The following CLEC9A variants were observed in gnomAD, a reference collection of about 807,000 sequenced individuals.
The protein encoded by CLEC9A is C-type lectin domain family 9 member A.
A neutral mutation model predicts 30.0 loss-of-function variants in CLEC9A; 24 were observed. The ratio of observed to expected loss-of-function variants is 0.80; its 90% CI spans 0.58 to 1.13. The LOEUF is 1.13. CLEC9A is among the 50% of genes most tolerant of loss of function. CLEC9A has a pLI of 0.00. For missense variants in CLEC9A, 251 were observed against 280.9 expected, an observed-to-expected ratio of 0.89 and a Z score of 0.76; for synonymous variants, 111 against 96.8, an observed-to-expected ratio of 1.15 and a Z score of -0.86.
At chr12:10,032,215 T>C (rs1865703932) in intron 1 of CLEC9A, among the ~76,000 whole-genome samples, 1 of 152,110 alleles carries the variant, frequency 6.6e-6, no homozygotes, top group South Asian at 2.1e-4. Context: ...GAGCTAAGTA[T>C]AATATTAACA....
At chr12:10,053,043 G>GA (rs953606486) in intron 4 of CLEC9A, among the ~76,000 whole-genome samples, 1 of 151,918 alleles carries the variant, frequency 6.6e-6, no homozygotes, top group Admixed American at 6.6e-5. Flanking sequence ...GGAAATACGT[G>GA]AAAAAAATAC....
intron 1 of CLEC9A, among the ~76,000 whole-genome samples, chr12:10,037,176 G>C (rs1408385348): frequency 6.6e-6 from 1 of 152,106 alleles, no homozygotes; most frequent in Non-Finnish European, 1.5e-5. Context: ...GGTGTTGGTG[G>C]TCATAGTAGT....
intron 2 of CLEC9A, 132 bp downstream of exon 2, chr12:10,041,752 C>T: frequency 2.3e-6 from 1 of 443,540 alleles, no homozygotes. Flanking sequence ...CTTTATGAAA[C>T]CTAGTAAGAA....
Position 10,065,733 on chromosome 12 carries a change from A to C in CLEC9A, c.*101A>C. On this transcript the variant is annotated 3_prime_UTR_variant, in exon 9 of 9. Transcript: ENST00000355819. The stretch of plus-strand genomic sequence containing the variant: ...TCAAAAAAACAGAACAGTAAACCAA[A>C]ATGTGGGCCATGAAATTAGCAACCT... 2 of 1,355,570 alleles carry C rather than the reference A, an allele frequency of 1.5e-6. No homozygotes were observed. The highest frequency in any genetic ancestry group is 1.3e-5 in the South Asian group (1 of 74,374). 84.0% of individuals were successfully genotyped at this position (1,355,570 alleles called of 1,614,324 possible).
intron 1 of CLEC9A, among the ~76,000 whole-genome samples, chr12:10,036,512 T>G (rs566361813): frequency 3.3e-5 from 5 of 152,292 alleles, no homozygotes; most frequent in Admixed American, 3.3e-4. Context: ...AATTACAAAA[T>G]ACTTCTTTTG....
At chr12:10,053,066 T>C (rs1019177776) in intron 4 of CLEC9A, among the ~76,000 whole-genome samples, 1 of 152,186 alleles carries the variant, frequency 6.6e-6, no homozygotes, top group East Asian at 1.9e-4. Context: ...CTTCAATTAA[T>C]TGAACTCCTA....
At chr12:10,059,868 A>G (rs1456073593) in intron 5 of CLEC9A, among the ~76,000 whole-genome samples, 3 of 152,248 alleles carry the variant, frequency 2.0e-5, no homozygotes, top group Admixed American at 6.5e-5. Context: ...AAACTAGACC[A>G]TCCAACGAGA....
chr12:10,065,382 G>C, intron 8 of CLEC9A, 118 bp from the exon 9 acceptor site: 1 of 1,039,622 alleles, frequency 9.6e-7, no homozygotes, highest in Non-Finnish European at 1.4e-6. Flanking sequence ...ACCACCACAG[G>C]AAGTTGCTGT....
intron 2 of CLEC9A, among the ~76,000 whole-genome samples, chr12:10,048,209 C>T (rs532541951): frequency 4.7e-4 from 69 of 147,436 alleles, no homozygotes; most frequent in Non-Finnish European, 8.2e-4. Flanking sequence ...GTCCGCAGTC[C>T]GGCCTGGGCG....
chr12:10,033,539 G>A (rs1425543633), intron 1 of CLEC9A, among the ~76,000 whole-genome samples: 5 of 152,066 alleles, frequency 3.3e-5, no homozygotes, highest in African/African-American at 7.2e-5. Flanking sequence ...TCTCCATCTC[G>A]ATAAATGAAT....
chr12:10,035,582 G>A (rs953210535), intron 1 of CLEC9A, among the ~76,000 whole-genome samples: 7 of 152,160 alleles, frequency 4.6e-5, no homozygotes, highest in Non-Finnish European at 1.5e-5. Flanking sequence ...GCACTGAGTA[G>A]ATTAGATGAT....
intron 5 of CLEC9A, 116 bp from the exon 6 acceptor site, chr12:10,061,011 T>C: frequency 1.6e-6 from 2 of 1,257,312 alleles, no homozygotes; most frequent in Non-Finnish European, 2.2e-6. Flanking sequence ...CCTAAAATAA[T>C]ACAAATTCAA....
intron 1 of CLEC9A, among the ~76,000 whole-genome samples, chr12:10,041,249 C>A (rs1436025711): frequency 6.6e-6 from 1 of 151,776 alleles, no homozygotes; most frequent in Non-Finnish European, 1.5e-5. Flanking sequence ...CAGTCAAAAA[C>A]AACAACAACA....
Position 10,040,612 on chromosome 12 carries a change from G to A in CLEC9A, c.-317-854G>A, listed in dbSNP as rs572829650. 3.5e-3 allele frequency among the ~76,000 whole-genome samples: 532 copies of A among 151,768 alleles called. 2 individuals are homozygous for A. Among genetic ancestry groups the A allele is most frequent in the African/African-American group, 0.012 (509 of 41,394 alleles). On this transcript the variant is annotated intron_variant, in intron 1 of 8. Coordinates refer to ENST00000355819, the MANE Select transcript of CLEC9A (RefSeq NM_207345.4). ...ACTACAGGCGCCCGCCACCACACCC[G>A]GCTAATTTTTTGTATTTTTAGTAGA...
At chr12:10,055,690 A>G (rs747979794) in intron 5 of CLEC9A, among the ~76,000 whole-genome samples, 72 of 152,300 alleles carry the variant, frequency 4.7e-4, no homozygotes, top group Middle Eastern at 3.4e-3. Flanking sequence ...ATAAATCTAT[A>G]GTCTCCAATT....
At chr12:10,061,445 C>T (rs1305933816) in intron 6 of CLEC9A, among the ~76,000 whole-genome samples, 172 bp downstream of exon 6, 7 of 151,920 alleles carry the variant, frequency 4.6e-5, no homozygotes, top group Admixed American at 2.6e-4. Context: ...TCCAATACTA[C>T]GTGGAAACAC....
At chr12:10,044,642 G>A (rs1865830064) in intron 2 of CLEC9A, among the ~76,000 whole-genome samples, 1 of 152,124 alleles carries the variant, frequency 6.6e-6, no homozygotes, top group Admixed American at 6.5e-5. Context: ...CTTCTTCAAT[G>A]AGGCTAAGTC....
intron 1 of CLEC9A, among the ~76,000 whole-genome samples, chr12:10,032,927 C>A (rs916131902): frequency 6.6e-6 from 1 of 152,100 alleles, no homozygotes; most frequent in Non-Finnish European, 1.5e-5. Flanking sequence ...GTTCAAAAAT[C>A]TCTCTGTGCT....
intron 2 of CLEC9A, among the ~76,000 whole-genome samples, chr12:10,041,823 G>A (rs1210448170): frequency 6.6e-6 from 1 of 152,164 alleles, no homozygotes; most frequent in African/African-American, 2.4e-5. Context: ...GAGTTGATTG[G>A]TCAAATTGAC....
Sources: allele counts gnomAD v4.1 joint callset (sites outside exome capture counted in the v4.1 genomes callset), GRCh38; gene constraint gnomAD v4.1.1; transcripts MANE v1.5; gene names NCBI Gene and HGNC (gene_info 2026-07-23, HGNC 2026-07-21).